CCSER1: variants seen among roughly 807,000 people sequenced by gnomAD.
CCSER1 encodes serine-rich coiled-coil domain-containing protein 1.
In CCSER1, 41 loss-of-function variants were observed where a neutral mutation model predicts 82.0. That is an observed-to-expected ratio of 0.50 (90% CI 0.39 to 0.65). The LOEUF is 0.65. Ranked by LOEUF, CCSER1 falls within the 30% of genes least tolerant of loss-of-function variation. The pLI is 0.00. For missense variants in CCSER1, 1,119 were observed against 1,064.2 expected (o/e 1.05, Z -0.72); for synonymous variants, 414 against 383.9 (o/e 1.08, Z -0.92).
At chr4:91,445,154 A>C (rs1207898246) in intron 10 of CCSER1, among the ~76,000 whole-genome samples, 1 of 152,118 alleles carries the variant, frequency 6.6e-6, no homozygotes, top group Non-Finnish European at 1.5e-5. Flanking sequence ...AGATAATAAC[A>C]ATCTCCCCTT....
chr4:90,998,376 A>G (rs972541520), intron 9 of CCSER1, among the ~76,000 whole-genome samples: 25 of 152,210 alleles, frequency 1.6e-4, no homozygotes, highest in Admixed American at 1.6e-3. Flanking sequence ...CACTGCGCCC[A>G]CCCTAATTTT....
chr4:90,706,882 G>C (rs747345754), intron 6 of CCSER1, among the ~76,000 whole-genome samples: 11 of 152,146 alleles, frequency 7.2e-5, no homozygotes, highest in Non-Finnish European at 1.3e-4. Context: ...GAATGAGTTT[G>C]ATGAAGTCAT....
chr4:91,041,124 G>A (rs941468388), intron 9 of CCSER1, among the ~76,000 whole-genome samples: 3 of 152,142 alleles, frequency 2.0e-5, no homozygotes, highest in African/African-American at 7.2e-5. Flanking sequence ...AGTATCAGGT[G>A]GACTAGGGGA....
intron 10 of CCSER1, among the ~76,000 whole-genome samples, chr4:91,492,243 T>A (rs1368363539): frequency 6.6e-6 from 1 of 152,086 alleles, no homozygotes; most frequent in Non-Finnish European, 1.5e-5. Flanking sequence ...TGTAGGAATA[T>A]AAATACAGTG....
At chr4:91,105,997 C>G (rs1053530567) in intron 10 of CCSER1, among the ~76,000 whole-genome samples, 2 of 152,040 alleles carry the variant, frequency 1.3e-5, no homozygotes, top group African/African-American at 4.8e-5. Context: ...GTGGTAAATG[C>G]TCTGTATTAT....
intron 1 of CCSER1, among the ~76,000 whole-genome samples, chr4:90,298,060 G>A (rs1019295995): frequency 3.3e-5 from 5 of 152,130 alleles, no homozygotes; most frequent in South Asian, 2.1e-4. Context: ...ATAGTTTCAG[G>A]AGGAATGGTA....
At chr4:90,504,866 C>A (rs2153613614) in intron 5 of CCSER1, among the ~76,000 whole-genome samples, 1 of 152,204 alleles carries the variant, frequency 6.6e-6, no homozygotes, top group Non-Finnish European at 1.5e-5. Context: ...CCAGGGGCAG[C>A]CAGTGGTATT....
At chr4:91,352,523 C>A (rs143933796) in intron 10 of CCSER1, among the ~76,000 whole-genome samples, 7 of 152,132 alleles carry the variant, frequency 4.6e-5, no homozygotes, top group African/African-American at 1.7e-4. Context: ...AGATTACAGG[C>A]GTGAGCCACC....
chr4:90,747,847 C>G (rs1747775190), intron 7 of CCSER1, among the ~76,000 whole-genome samples: 1 of 146,122 alleles, frequency 6.8e-6, no homozygotes. Flanking sequence ...GTTCCCCTTC[C>G]TGTGTCCATG....
intron 1 of CCSER1, among the ~76,000 whole-genome samples, chr4:90,303,606 A>G (rs1188139687): frequency 6.6e-6 from 1 of 151,770 alleles, no homozygotes; most frequent in Admixed American, 6.6e-5. Flanking sequence ...ACATGTAGAA[A>G]GCTGAAACTG....
At chr4:90,458,627 T>C (rs1178242671) in intron 4 of CCSER1, among the ~76,000 whole-genome samples, 2 of 152,034 alleles carry the variant, frequency 1.3e-5, no homozygotes, top group Non-Finnish European at 2.9e-5. Context: ...ATTGCTGGGA[T>C]TAAAGGCGTG....
intron 5 of CCSER1, among the ~76,000 whole-genome samples, chr4:90,594,118 C>T (rs1030510575): frequency 1.3e-5 from 2 of 151,706 alleles, no homozygotes; most frequent in African/African-American, 4.8e-5. Context: ...GGCAAATTCA[C>T]CTAGGATTCT....
At chr4:91,520,928 G>A (rs1286746635) in intron 10 of CCSER1, among the ~76,000 whole-genome samples, 3 of 152,030 alleles carry the variant, frequency 2.0e-5, no homozygotes, top group Non-Finnish European at 4.4e-5. Context: ...GGGTACATGT[G>A]CACAATGTGC....
chr4:90,346,473 A>G (rs935051456), intron 3 of CCSER1, among the ~76,000 whole-genome samples: 2 of 152,058 alleles, frequency 1.3e-5, no homozygotes, highest in Non-Finnish European at 1.5e-5. Context: ...ATTATACTCA[A>G]TATAATTCTA....
intron 8 of CCSER1, among the ~76,000 whole-genome samples, chr4:90,893,884 C>T (rs553886184): frequency 3.0e-4 from 46 of 151,444 alleles, no homozygotes; most frequent in South Asian, 2.9e-3. Context: ...ACTCATTTCC[C>T]GTGTTAAATT....
intron 10 of CCSER1, among the ~76,000 whole-genome samples, chr4:91,139,612 G>C (rs1341886019): frequency 6.6e-6 from 1 of 152,078 alleles, no homozygotes; most frequent in African/African-American, 2.4e-5. Flanking sequence ...GAAGTGTTCT[G>C]ATTAATAAAA....
chr4:90,489,384 A>G (rs1252008445), intron 5 of CCSER1, among the ~76,000 whole-genome samples: 1 of 152,136 alleles, frequency 6.6e-6, no homozygotes, highest in Non-Finnish European at 1.5e-5. Flanking sequence ...CCCCTTTAAA[A>G]CAGTTTTAGG....
intron 8 of CCSER1, among the ~76,000 whole-genome samples, chr4:90,882,232 T>A (rs1661728927): frequency 6.6e-6 from 1 of 151,996 alleles, no homozygotes; most frequent in African/African-American, 2.4e-5. Context: ...TACCTAGTCA[T>A]AATAAGGAGC....
chr4:90,388,954 T>C (rs931966739), intron 3 of CCSER1, among the ~76,000 whole-genome samples: 10 of 152,306 alleles, frequency 6.6e-5, no homozygotes, highest in African/African-American at 2.4e-4. Flanking sequence ...AATATTAACT[T>C]ATAAATTAGT....
Sources: allele counts gnomAD v4.1 joint callset (sites outside exome capture counted in the v4.1 genomes callset), GRCh38; gene constraint gnomAD v4.1.1; transcripts MANE v1.5; gene names NCBI Gene and HGNC (gene_info 2026-07-23, HGNC 2026-07-21).